The following CUTC variants were observed in gnomAD, a reference collection of about 807,000 sequenced individuals.
CUTC encodes the protein cutC copper transporter.
In CUTC, 27 loss-of-function variants were observed where a neutral mutation model predicts 36.2. The ratio of observed to expected loss-of-function variants is 0.75; its 90% confidence interval spans 0.55 to 1.03. CUTC has a LOEUF of 1.03. CUTC is among the 50% of genes least tolerant of loss of function. CUTC has a pLI of 0.00. For missense variants in CUTC, 315 were observed against 343.5 expected, an observed-to-expected ratio of 0.92 and a Z score of 0.66; for synonymous variants, 114 against 118.3, an observed-to-expected ratio of 0.96 and a Z score of 0.24.
At position 99,743,935 on chromosome 10, in the gene CUTC, C is replaced by T. The variant is rs141856046; in HGVS notation, c.404-102C>T. 211 of 802,758 alleles carry T rather than the reference C, an allele frequency of 2.6e-4. 1 individual carries two copies. In the East Asian group the frequency reaches 4.3e-3, roughly 16 times the overall value. 49.7% of individuals were successfully genotyped at this position (802,758 alleles called of 1,614,324 possible). On this transcript the variant is annotated intron_variant, in intron 4 of 8. Transcript: ENST00000370476. ...TATGTCAGTTTACTGTCTTGTTAGG[C>T]GAAGAAAGTATTAAAAAGTTTCAGC...
Position 99,744,017 on chromosome 10 carries a change from A to G in CUTC, c.404-20A>G. 2 of 1,606,878 alleles carry G rather than the reference A, an allele frequency of 1.2e-6. No homozygotes were observed. Among genetic ancestry groups the G allele is most frequent in the Non-Finnish European group, 1.7e-6 (2 of 1,174,754 alleles). ...TGATGACATCTTCATTCATGTTGTT[A>G]TATGACTTTCTTTTTATAGCTATTT... On this transcript the variant is annotated intron_variant, in intron 4 of 8. Coordinates refer to ENST00000370476, the MANE Select transcript of CUTC (RefSeq NM_015960.3).
chr10:99,734,459 CT>C (rs945392803), intron 1 of CUTC, among the ~76,000 whole-genome samples: 3 of 151,536 alleles, frequency 2.0e-5, no homozygotes, highest in African/African-American at 7.3e-5. Flanking sequence ...GTAAAAATTG[CT>C]TTTTTAAATT....
At chr10:99,743,541 G>A (rs569653112) in intron 4 of CUTC, among the ~76,000 whole-genome samples, 179 bp downstream of exon 4, 20 of 152,282 alleles carry the variant, frequency 1.3e-4, no homozygotes, top group African/African-American at 4.6e-4. Flanking sequence ...GTGTGGCAAA[G>A]CCTTCTTAAC....
intron 2 of CUTC, among the ~76,000 whole-genome samples, chr10:99,739,376 T>C (rs986430054): frequency 2.0e-5 from 3 of 152,252 alleles, no homozygotes; most frequent in Non-Finnish European, 4.4e-5. Context: ...TATTTTCTTA[T>C]CAACAAAGAC....
rs766914708 is a variant in CUTC, at chr10:99,755,608, TA to T, written c.708-16del. On this transcript the variant is annotated splice_polypyrimidine_tract_variant and intron_variant, in intron 8 of 8. Coordinates refer to ENST00000370476, the MANE Select transcript of CUTC (RefSeq NM_015960.3). ...TTAATAACATAATTATCTGTTCCTT[TA>T]TTATTTCTGTTACAGAAATTCATCT... 2.6e-6 allele frequency: 4 copies of T among 1,515,878 alleles called. No homozygotes were observed. In the South Asian group the frequency reaches 4.5e-5, roughly 17 times the overall value. The allele number at this position is 1,515,878 out of a possible 1,614,324, so 93.9% of individuals were successfully genotyped here.
intron 2 of CUTC, among the ~76,000 whole-genome samples, chr10:99,736,851 C>A (rs1033385373): frequency 1.3e-5 from 2 of 152,182 alleles, no homozygotes; most frequent in Non-Finnish European, 2.9e-5. Flanking sequence ...CAACACATGG[C>A]CAGTTTTTCA....
At chr10:99,735,151 T>C (rs1034990457) in intron 1 of CUTC, among the ~76,000 whole-genome samples, 2 of 138,866 alleles carry the variant, frequency 1.4e-5, no homozygotes, top group African/African-American at 5.4e-5. Flanking sequence ...CTAAGTCAAG[T>C]AGAAGTGATC....
intron 6 of CUTC, 104 bp from the exon 7 acceptor site, chr10:99,750,265 T>A: frequency 5.6e-6 from 4 of 708,548 alleles, no homozygotes; most frequent in East Asian, 3.3e-5. Context: ...TAGTAATTTT[T>A]AAAATTTAAT....
intron 8 of CUTC, among the ~76,000 whole-genome samples, chr10:99,755,241 G>C (rs532022094): frequency 6.6e-6 from 1 of 151,932 alleles, no homozygotes. Flanking sequence ...TAATCCCAGC[G>C]CTTTGGGAGG....
At chr10:99,747,130 T>C in intron 5 of CUTC, 127 bp from the exon 6 acceptor site, 2 of 1,015,762 alleles carry the variant, frequency 2.0e-6, no homozygotes, top group Non-Finnish European at 2.9e-6. Flanking sequence ...TTCTTGAGTG[T>C]TTAATAATTG....
chr10:99,746,278 C>T (rs2037377011), intron 5 of CUTC, among the ~76,000 whole-genome samples: 1 of 152,152 alleles, frequency 6.6e-6, no homozygotes, highest in Non-Finnish European at 1.5e-5. Context: ...CCAAATACCA[C>T]ATGTTCTCAC....
rs183131163 is a variant in CUTC, at chr10:99,750,757, G to A, written c.601+361G>A. On this transcript the variant is annotated intron_variant, in intron 7 of 8. Coordinates refer to ENST00000370476, the MANE Select transcript of CUTC (RefSeq NM_015960.3). Reference sequence around the variant, plus strand: ...TTGATGCTAATCATATTTTGTTTAGGACAAATGTCCTAATAAACAGGGTTT... The same window carrying A: ...TTGATGCTAATCATATTTTGTTTAGAACAAATGTCCTAATAAACAGGGTTT... Among the ~76,000 whole-genome samples, 91 of 152,184 alleles carry A rather than the reference G, an allele frequency of 6.0e-4. 1 individual carries two copies. Among genetic ancestry groups the A allele is most frequent in the Middle Eastern group, 3.4e-3 (1 of 294 alleles).
chr10:99,736,701 TG>T (rs2037299643), intron 2 of CUTC, among the ~76,000 whole-genome samples: 1 of 152,134 alleles, frequency 6.6e-6, no homozygotes, highest in South Asian at 2.1e-4. Context: ...CCTGTTTTAA[TG>T]GGAAGCACAG....
rs79018074 is a variant in CUTC at position 99,755,175 on chromosome 10, A to G, written c.708-450A>G. On this transcript the variant is annotated intron_variant, in intron 8 of 8. Coordinates refer to ENST00000370476, the MANE Select transcript of CUTC (RefSeq NM_015960.3). The stretch of plus-strand genomic sequence containing the variant: ...TGAATATTTCTGTTTATAAATTGGG[A>G]AAAACACAATGTAAAAGAAGCAAGA... Among the ~76,000 whole-genome samples the G allele has an allele frequency of 2.0e-3, 300 of 152,234 alleles. 2 individuals carry two copies. Among genetic ancestry groups the G allele is most frequent in the African/African-American group, 7.0e-3 (292 of 41,544 alleles).
In CUTC at chr10:99,747,403, T is replaced by G. The variant is rs771500345; in HGVS notation, c.573+13T>G. On this transcript the variant is annotated intron_variant, in intron 6 of 8. Coordinates refer to ENST00000370476, the MANE Select transcript of CUTC (RefSeq NM_015960.3). ...ACTCATTGAGCAGGTACGTGGACTT[T>G]ATCTTTTTTTCCCCTAAGACTCTGT... The G allele has an allele frequency of 5.0e-6, 8 of 1,613,872 alleles. No individual in the cohort carries two copies. The South Asian group carries it at 8.8e-5, about 18-fold the overall frequency.
At chr10:99,744,280 G>A (rs895032782) in intron 5 of CUTC, among the ~76,000 whole-genome samples, 4 of 152,132 alleles carry the variant, frequency 2.6e-5, no homozygotes, top group African/African-American at 4.8e-5. Context: ...GTTAAAAGTG[G>A]GTGTAGGTGG....
In CUTC at chr10:99,738,318, C is replaced by A. The variant is rs540398437; in HGVS notation, c.134-1392C>A. On this transcript the variant is annotated intron_variant, in intron 2 of 8. Transcript: ENST00000370476. The stretch of plus-strand genomic sequence containing the variant: ...AAAACACCACAATGTCACTAACACA[C>A]CTTTAAAAAAATCATTTCTTAATAT... Among the ~76,000 whole-genome samples the A allele has an allele frequency of 8.4e-4, 128 of 151,806 alleles. 3 individuals carry two copies. The highest frequency in any genetic ancestry group is 7.4e-4 in the Non-Finnish European group (50 of 67,980).
At chr10:99,754,660 TAAG>T in intron 8 of CUTC, 26 bp downstream of exon 8, 1 of 1,505,576 alleles carries the variant, frequency 6.6e-7, no homozygotes, top group Non-Finnish European at 9.2e-7. Context: ...TCGATTCAAA[TAAG>T]AAGGATGAGA....
At chr10:99,755,333 C>T (rs1329652556) in intron 8 of CUTC, among the ~76,000 whole-genome samples, 1 of 66,890 alleles carries the variant, frequency 1.5e-5, no homozygotes, top group Non-Finnish European at 3.0e-5. Context: ...ACTAAAAGTA[C>T]AAAAAAATTA....
Sources: allele counts gnomAD v4.1 joint callset (sites outside exome capture counted in the v4.1 genomes callset), GRCh38; gene constraint gnomAD v4.1.1; transcripts MANE v1.5; gene names NCBI Gene and HGNC (gene_info 2026-07-23, HGNC 2026-07-21).